The following ASTN2 variants were observed in gnomAD, a reference collection of about 807,000 sequenced individuals.
ASTN2 encodes the protein astrotactin 2, also known as astrotactin-2.
Under a neutral mutation model 139.8 loss-of-function variants are expected in ASTN2, and 54 were observed. The observed-to-expected ratio is 0.39, with a 90% confidence interval of 0.31 to 0.48. ASTN2 has a LOEUF of 0.48. Among genes scored for constraint, ASTN2 ranks in the 20% least tolerant of loss-of-function variants. The pLI, the probability that ASTN2 is intolerant of heterozygous loss-of-function variation, is 0.95. For synonymous variants in ASTN2, 756 were observed against 719.5 expected (o/e 1.05, Z -0.81); for missense variants, 1,565 against 1,725.1 (o/e 0.91, Z 1.64).
chr9:117,282,459 T>C (rs942268695), intron 2 of ASTN2, among the ~76,000 whole-genome samples: 16 of 152,324 alleles, frequency 1.1e-4, no homozygotes, highest in South Asian at 4.1e-4. Context: ...CCCACACTAA[T>C]GGGACAGGGA....
intron 10 of ASTN2, among the ~76,000 whole-genome samples, chr9:116,892,446 T>C (rs996230844): frequency 3.3e-5 from 5 of 152,218 alleles, no homozygotes; most frequent in East Asian, 1.9e-4. Flanking sequence ...TGAGGGCTGA[T>C]GAATTGTTGA....
intron 1 of ASTN2, among the ~76,000 whole-genome samples, chr9:117,303,254 G>A (rs575007481): frequency 6.6e-6 from 1 of 152,244 alleles, no homozygotes; most frequent in South Asian, 2.1e-4. Flanking sequence ...AACAGCAGGA[G>A]CCTGACAAAT....
At chr9:117,097,157 T>A (rs1431656541) in intron 4 of ASTN2, among the ~76,000 whole-genome samples, 1 of 152,058 alleles carries the variant, frequency 6.6e-6, no homozygotes, top group Non-Finnish European at 1.5e-5. Flanking sequence ...AGGGCTTGCA[T>A]GAGGGCCTGT....
chr9:116,429,339 GAAAAA>G lies in ASTN2; in HGVS notation c.3783-3256_3783-3252del, dbSNP rs34731241. Among the ~76,000 whole-genome samples, 1,829 of 90,854 alleles carry G rather than the reference GAAAAA, an allele frequency of 0.02. 166 individuals are homozygous for G. The South Asian group carries it at 0.31, about 15-fold the overall frequency. The allele number at this position is 90,854 out of a possible 152,430, so 59.6% of individuals were successfully genotyped here. On this transcript the variant is annotated intron_variant, in intron 22 of 22. Coordinates refer to ENST00000313400, the MANE Select transcript of ASTN2 (RefSeq NM_001365068.1). Reference sequence around the variant, plus strand: ...GGGCAACAATAGCGAAACTCTATCTGAAAAAAAAAAAAAAAAAAAAAGTAACCAAG... The same window carrying G: ...GGGCAACAATAGCGAAACTCTATCTGAAAAAAAAAAAAAAAAGTAACCAAG...
At chr9:116,859,625 G>A (rs1049153885) in intron 11 of ASTN2, among the ~76,000 whole-genome samples, 3 of 152,194 alleles carry the variant, frequency 2.0e-5, no homozygotes, top group Non-Finnish European at 4.4e-5. Context: ...GTCAAACAAA[G>A]TAATCTAGAA....
rs958692317 is a variant in ASTN2, at chr9:117,141,316, G to C, written c.1168+10C>G. On this transcript the variant is annotated intron_variant, in intron 4 of 22. Coordinates refer to ENST00000313400, the MANE Select transcript of ASTN2 (RefSeq NM_001365068.1). ...CTGACTTCCTGGCCAGATGTGCCAG[G>C]AGGGCCTACCTCGAGACTTGCTCCT... 1 of 1,366,682 alleles carries C rather than the reference G, an allele frequency of 7.3e-7. No homozygotes were observed. The highest frequency in any genetic ancestry group is 1.5e-5 in the African/African-American group (1 of 67,842). The allele number at this position is 1,366,682 out of a possible 1,614,324, so 84.7% of individuals were successfully genotyped here.
chr9:116,844,091 T>A (rs143299196), intron 11 of ASTN2, among the ~76,000 whole-genome samples: 1 of 152,324 alleles, frequency 6.6e-6, no homozygotes, highest in East Asian at 1.9e-4. Context: ...TTCAGGCAAG[T>A]CACTGCACTT....
intron 19 of ASTN2, among the ~76,000 whole-genome samples, chr9:116,608,978 A>G (rs1253982928): frequency 6.6e-6 from 1 of 152,172 alleles, no homozygotes; most frequent in Non-Finnish European, 1.5e-5. Flanking sequence ...GATGGGATGA[A>G]CAATAAATTG....
At chr9:116,506,433 G>T (rs1206616844) in intron 19 of ASTN2, among the ~76,000 whole-genome samples, 3 of 152,170 alleles carry the variant, frequency 2.0e-5, no homozygotes, top group East Asian at 1.9e-4. Flanking sequence ...CATGCCCTGG[G>T]AAATGGGTGT....
intron 13 of ASTN2, among the ~76,000 whole-genome samples, chr9:116,752,947 T>G (rs1349605935): frequency 2.0e-5 from 3 of 152,222 alleles, no homozygotes. Context: ...CTTTGGAGAA[T>G]CGTTTGGCAG....
chr9:116,679,134 G>C (rs1438266955), intron 16 of ASTN2, among the ~76,000 whole-genome samples: 2 of 152,090 alleles, frequency 1.3e-5, no homozygotes, highest in East Asian at 3.9e-4. Context: ...AAAAATTTTT[G>C]AAGTTATCAT....
chr9:116,497,535 A>G (rs1849706674), intron 19 of ASTN2, among the ~76,000 whole-genome samples: 1 of 152,186 alleles, frequency 6.6e-6, no homozygotes, highest in African/African-American at 2.4e-5. Flanking sequence ...ACTGAATTTA[A>G]TAGTATTAAC....
At chr9:117,201,736 G>GAAA (rs1831727557) in intron 3 of ASTN2, among the ~76,000 whole-genome samples, 1 of 152,156 alleles carries the variant, frequency 6.6e-6, no homozygotes, top group Non-Finnish European at 1.5e-5. Context: ...TTTTGCATTT[G>GAAA]CTGAGGAGTG....
chr9:116,593,787 A>T (rs1854463534), intron 19 of ASTN2, among the ~76,000 whole-genome samples: 1 of 151,876 alleles, frequency 6.6e-6, no homozygotes, highest in Non-Finnish European at 1.5e-5. Context: ...CATCTTCATG[A>T]TTTTCTTGCT....
chr9:116,750,311 AC>A (rs1829363097), intron 13 of ASTN2, among the ~76,000 whole-genome samples: 1 of 152,218 alleles, frequency 6.6e-6, no homozygotes, highest in South Asian at 2.1e-4. Context: ...AACATTTAAA[AC>A]CAAGCCATAA....
intron 13 of ASTN2, among the ~76,000 whole-genome samples, chr9:116,773,127 GT>G (rs1212266509): frequency 6.9e-6 from 1 of 145,348 alleles, no homozygotes; most frequent in East Asian, 2.0e-4. Context: ...AGTCTGCCCA[GT>G]GAGCCATGTT....
intron 19 of ASTN2, among the ~76,000 whole-genome samples, chr9:116,613,953 A>G (rs895445615): frequency 6.6e-6 from 1 of 152,198 alleles, no homozygotes; most frequent in African/African-American, 2.4e-5. Context: ...TTTGCAGATG[A>G]CATGATTGTA....
chr9:116,767,970 T>C (rs10081687), intron 13 of ASTN2, among the ~76,000 whole-genome samples: 109,919 of 152,046 alleles, frequency 0.72, 41,886 homozygotes, highest in East Asian at 0.87. Context: ...AGACAAATGT[T>C]ACTAAACACC....
chr9:116,913,082 T>G (rs909987754), intron 10 of ASTN2, among the ~76,000 whole-genome samples: 2 of 152,082 alleles, frequency 1.3e-5, no homozygotes, highest in Non-Finnish European at 2.9e-5. Context: ...TTTTGCATCT[T>G]TAGTAGAAAC....
Sources: gnomAD v4.1 joint callset for allele counts (sites outside exome capture counted in the v4.1 genomes callset) on GRCh38, gnomAD v4.1.1 for gene constraint, MANE v1.5 for transcripts, NCBI Gene and HGNC (gene_info 2026-07-23, HGNC 2026-07-21) for gene names.